Variants in ZBTB21 observed in about 807,000 individuals in gnomAD.
The protein encoded by ZBTB21 is zinc finger and BTB domain-containing protein 21.
In ZBTB21, 10 loss-of-function variants were observed where a neutral mutation model predicts 39.8. The ratio of observed to expected loss-of-function variants is 0.25; its 90% CI spans 0.16 to 0.43. The LOEUF is 0.43. Among genes scored for constraint, ZBTB21 ranks in the 20% least tolerant of loss-of-function variants. The pLI, the probability that ZBTB21 is intolerant of heterozygous loss-of-function variation, is 1.00. For missense variants in ZBTB21, 1,221 were observed against 1,296.3 expected, an observed-to-expected ratio of 0.94 and a Z score of 0.89; for synonymous variants, 551 against 498.8, an observed-to-expected ratio of 1.10 and a Z score of -1.40.
chr21:41,995,953 G>A (rs1275496826), intron 2 of ZBTB21, among the ~76,000 whole-genome samples: 1 of 152,236 alleles, frequency 6.6e-6, no homozygotes, highest in Non-Finnish European at 1.5e-5. Flanking sequence ...GTGTGCAGAA[G>A]TAAAGAACTG....
At chr21:41,998,481 A>G (rs2065778778) in intron 2 of ZBTB21, among the ~76,000 whole-genome samples, 1 of 152,182 alleles carries the variant, frequency 6.6e-6, no homozygotes. Context: ...GTGAGCCACC[A>G]CAGCTGGCTC....
chr21:42,009,956 G>A (rs575789496), intron 1 of ZBTB21, among the ~76,000 whole-genome samples: 1 of 152,340 alleles, frequency 6.6e-6, no homozygotes, highest in South Asian at 2.1e-4. Flanking sequence ...GGTGAAGAGT[G>A]AAGCCCGTGA....
chr21:41,994,136 A>C (rs1449859819), intron 2 of ZBTB21, 28 bp from the exon 3 acceptor site: 1 of 1,525,930 alleles, frequency 6.6e-7, no homozygotes, highest in African/African-American at 1.4e-5. Context: ...AAATTACTAC[A>C]GATATTGCAG....
Position 41,992,907 on chromosome 21 carries a change from C to T in ZBTB21, c.1189G>A (p.Asp397Asn), listed in dbSNP as rs774537436. Residue 397 changes from aspartate (D) to asparagine (N), a missense_variant, in exon 3 of 3, where the codon GAC becomes AAC. Coordinates refer to ENST00000310826, the MANE Select transcript of ZBTB21 (RefSeq NM_001098402.2). The surrounding 1 kb of genome is among the most constrained non-coding windows in gnomAD (Gnocchi z 4.1). Reference protein sequence around the residue: ...KDCSEKTALDDRPQVLQPHRL... With the variant: ...KDCSEKTALDNRPQVLQPHRL... ...TGCGGTTGTAGCACTTGAGGCCTGT[C>T]ATCTAGGGCTGTTTTTTCACTACAA... 6.2e-7 allele frequency: 1 copy of T among 1,614,226 alleles called. No individual in the cohort carries two copies. The highest frequency in any genetic ancestry group is 8.5e-7 in the Non-Finnish European group (1 of 1,180,048).
Position 41,993,125 on chromosome 21 carries a change from G to C in ZBTB21, c.971C>G (p.Ser324Cys). The C allele has an allele frequency of 6.2e-7, 1 of 1,614,202 alleles. No homozygotes were observed. The highest frequency in any genetic ancestry group is 1.1e-5 in the South Asian group (1 of 91,078). Residue 324 changes from serine to cysteine, a missense_variant, in exon 3 of 3, where the codon TCT becomes TGT. This residue lies in a region of ZBTB21 where 500 missense variants were observed against 465.6 expected (regional missense o/e 1.07). Coordinates refer to ENST00000310826, the MANE Select transcript of ZBTB21 (RefSeq NM_001098402.2). ...ACTCCTGTCAATGCTTTGGTTTCCA[G>C]AACCAGATCCACTGGATGGGATCAC... is the stretch of plus-strand genomic sequence containing the variant. The part of the protein sequence containing the change: ...GLVIPSSGSG[S>C]GNQSIDRSGP...
chr21:41,990,665 C>T lies in ZBTB21; in HGVS notation c.*230G>A. 2.9e-6 allele frequency: 1 copy of T among 350,266 alleles called. No homozygotes were observed. Among genetic ancestry groups the T allele is most frequent in the Non-Finnish European group, 5.0e-6 (1 of 198,498 alleles). 21.7% of individuals were successfully genotyped at this position (350,266 alleles called of 1,614,324 possible). On this transcript the variant is annotated 3_prime_UTR_variant, in exon 3 of 3. Coordinates refer to ENST00000310826, the MANE Select transcript of ZBTB21 (RefSeq NM_001098402.2). ...AATCCAATTTCAACATTAATGAAAT[C>T]AAACCATCTTGTTCTTGTAAGGTCC...
chr21:42,004,342 T>C (rs2065853162), intron 1 of ZBTB21, among the ~76,000 whole-genome samples: 1 of 152,172 alleles, frequency 6.6e-6, no homozygotes, highest in Non-Finnish European at 1.5e-5. Context: ...ATTAATTCAA[T>C]GCAAATACTT....
Position 41,991,006 on chromosome 21 carries a change from A to G in ZBTB21, c.3090T>C (p.His1030=), listed in dbSNP as rs772188253. Residue 1030 remains histidine, a synonymous_variant, in exon 3 of 3, where the codon CAT becomes CAC. Transcript: ENST00000310826. This position sits in a 1 kb window ranked among gnomAD's most constrained non-coding sequence, Gnocchi z 4.9. ...VPQESDTLFY[H]APPLSAITFK... Reference sequence around the variant, plus strand: ...ATGTGATTGCTGAAAGGGGTGGGGCATGGTAAAAAAGGGTGTCTGATTCTT... The same window carrying G: ...ATGTGATTGCTGAAAGGGGTGGGGCGTGGTAAAAAAGGGTGTCTGATTCTT... The G allele has an allele frequency of 6.4e-7, 1 of 1,563,942 alleles. No individual in the cohort carries two copies. Among genetic ancestry groups the G allele is most frequent in the African/African-American group, 1.4e-5 (1 of 73,156 alleles).
Position 41,992,160 on chromosome 21 carries a change from A to C in ZBTB21, c.1936T>G (p.Phe646Val). The change falls in exon 3 of 3, where the codon TTT becomes GTT. Residue 646 changes from phenylalanine (F) to valine (V), a missense_variant. Phe to Val is a conservative substitution (Grantham distance 50, BLOSUM62 -1). Around this residue, in one of 4 missense-constraint regions of ZBTB21, gnomAD observed 523 missense variants for 542.5 expected, o/e 0.96. Transcript: ENST00000310826. The surrounding 1 kb of genome is among the most constrained non-coding windows in gnomAD (Gnocchi z 4.1). The stretch of plus-strand genomic sequence containing the variant: ...GCTTGGGAGCTACTCTGTCCCTGAA[A>C]ACCAGGCTTGCCGCGCCTTAACTTA... ...IIKLRRGKPGFQGQSSSQAQQ... is the reference protein window; with the variant it reads ...IIKLRRGKPGVQGQSSSQAQQ... 2.5e-6 allele frequency: 4 copies of C among 1,614,184 alleles called. No individual in the cohort carries two copies. The highest frequency in any genetic ancestry group is 3.4e-6 in the Non-Finnish European group (4 of 1,180,034).
intron 1 of ZBTB21, among the ~76,000 whole-genome samples, chr21:42,003,420 G>A (rs1040094049): frequency 1.3e-5 from 2 of 152,182 alleles, no homozygotes; most frequent in Non-Finnish European, 2.9e-5. Flanking sequence ...AGAATGCTAC[G>A]GGAATACTGA....
Position 41,991,392 on chromosome 21 carries a change from G to T in ZBTB21, c.2704C>A (p.Pro902Thr). 6.2e-7 allele frequency: 1 copy of T among 1,607,784 alleles called. No individual in the cohort carries two copies. The highest frequency in any genetic ancestry group is 8.5e-7 in the Non-Finnish European group (1 of 1,177,056). Residue 902 changes from proline (P) to threonine (T), a missense_variant, in exon 3 of 3, where the codon CCT becomes ACT. Coordinates refer to ENST00000310826, the MANE Select transcript of ZBTB21 (RefSeq NM_001098402.2). The surrounding 1 kb of genome is among the most constrained non-coding windows in gnomAD (Gnocchi z 4.9). ...GGCCACAGGCTGGCTTCTTTGCTAGGACCCGCTTCTTTGGGGGCTGTGCTG... is the reference window on the plus strand; with the variant it reads ...GGCCACAGGCTGGCTTCTTTGCTAGTACCCGCTTCTTTGGGGGCTGTGCTG... ...EASTAPKEAGPSKEASLWPCE... is the reference protein window; with the variant it reads ...EASTAPKEAGTSKEASLWPCE...
At chr21:42,008,540 C>CAAAAAAAAAAAAA (rs68176203) in intron 1 of ZBTB21, among the ~76,000 whole-genome samples, 76 of 60,170 alleles carry the variant, frequency 1.3e-3, no homozygotes, top group African/African-American at 1.5e-3. Context: ...GAAACTCTGT[C>CAAAAAAAAAAAAA]AAAAAAAAAA....
rs762202196 is a variant in ZBTB21, at chr21:41,991,199, T to G, written c.2897A>C (p.Glu966Ala). The G allele has an allele frequency of 8.1e-6, 13 of 1,614,180 alleles. No individual in the cohort carries two copies. The East Asian group carries it at 2.7e-4, about 33-fold the overall frequency. ...FQSHMSQASE[E>A]SAHKESEVCP... Reference sequence around the variant, plus strand: ...CACCTCAGATTCCTTATGTGCCGATTCCTCTGAAGCCTGAGACATGTGCGA... The same window carrying G: ...CACCTCAGATTCCTTATGTGCCGATGCCTCTGAAGCCTGAGACATGTGCGA... The change falls in exon 3 of 3, where the codon GAA (glutamate) becomes GCA (alanine). Residue 966 changes from glutamate to alanine, a missense_variant. Around this residue, in one of 4 missense-constraint regions of ZBTB21, gnomAD observed 523 missense variants for 542.5 expected, o/e 0.96. Coordinates refer to ENST00000310826, the MANE Select transcript of ZBTB21 (RefSeq NM_001098402.2). This position sits in a 1 kb window ranked among gnomAD's most constrained non-coding sequence, Gnocchi z 4.9.
chr21:42,000,701 C>A (rs1025064774), intron 2 of ZBTB21, among the ~76,000 whole-genome samples: 1 of 152,196 alleles, frequency 6.6e-6, no homozygotes, highest in African/African-American at 2.4e-5. Context: ...TCTTGGATCA[C>A]AGACCTCTAT....
At position 41,993,916 on chromosome 21, in the gene ZBTB21, T is replaced by G; in HGVS notation, c.180A>C (p.Thr60=). 1.2e-6 allele frequency: 2 copies of G among 1,614,166 alleles called. No individual in the cohort carries two copies. The highest frequency in any genetic ancestry group is 1.7e-6 in the Non-Finnish European group (2 of 1,180,010). ...ASSEYFQSLF[T]NKENESQTVF... The stretch of plus-strand genomic sequence containing the variant: ...CAGTTTGTGACTCATTTTCCTTATT[T>G]GTGAATAAACTCTGAAAGTATTCGC... Residue 60 remains threonine (T), a synonymous_variant, in exon 3 of 3, where the codon ACA becomes ACC. Transcript: ENST00000310826.
rs1324251521 is a variant in ZBTB21 at position 41,991,773 on chromosome 21, G to C, written c.2323C>G (p.Leu775Val). 1.2e-6 allele frequency: 2 copies of C among 1,614,256 alleles called. No individual in the cohort carries two copies. The highest frequency in any genetic ancestry group is 2.2e-5 in the South Asian group (2 of 91,082). Residue 775 changes from leucine to valine, a missense_variant, in exon 3 of 3, where the codon CTG becomes GTG. Physicochemically the swap from Leu to Val is conservative, Grantham distance 32. This residue lies in a region of ZBTB21 where 523 missense variants were observed against 542.5 expected (regional missense o/e 0.96). Coordinates refer to ENST00000310826, the MANE Select transcript of ZBTB21 (RefSeq NM_001098402.2). The surrounding 1 kb of genome is among the most constrained non-coding windows in gnomAD (Gnocchi z 4.9). ...EHESKCEYKK[L>V]TCLECMRTFK... ...GTGCGCATGCACTCGAGGCAGGTCA[G>C]CTTCTTATACTCACACTTGCTCTCG...
Position 41,991,164 on chromosome 21 carries a change from G to T in ZBTB21, c.2932C>A (p.Pro978Thr). ...GGTGGTGGAGAGGGAGAGTTTGTGG[G>T]AACAGGGCACACCTCAGATTCCTTA... The part of the protein sequence containing the change: ...AHKESEVCPV[P>T]TNSPSPPPLP... The change falls in exon 3 of 3, where the codon CCC (proline) becomes ACC (threonine). Residue 978 changes from proline to threonine, a missense_variant. This residue lies in a region of ZBTB21 where 523 missense variants were observed against 542.5 expected (regional missense o/e 0.96). Transcript: ENST00000310826. The surrounding 1 kb of genome is among the most constrained non-coding windows in gnomAD (Gnocchi z 4.9). The T allele has an allele frequency of 6.2e-7, 1 of 1,614,140 alleles. No homozygotes were observed. Among genetic ancestry groups the T allele is most frequent in the Non-Finnish European group, 8.5e-7 (1 of 1,180,032 alleles).
At chr21:41,996,563 G>A (rs1192746128) in intron 2 of ZBTB21, among the ~76,000 whole-genome samples, 2 of 152,242 alleles carry the variant, frequency 1.3e-5, no homozygotes, top group African/African-American at 2.4e-5. Context: ...CTCATAGGCG[G>A]AAGGGATTTG....
At position 41,992,273 on chromosome 21, in the gene ZBTB21, G is replaced by A. The variant is rs1313798631; in HGVS notation, c.1823C>T (p.Ser608Phe). The A allele has an allele frequency of 8.7e-6, 14 of 1,614,058 alleles. No homozygotes were observed. The Middle Eastern group carries it at 8.2e-4, about 95-fold the overall frequency. ...HGIVKNPSPASSSHAVLDEKF... is the reference protein window; with the variant it reads ...HGIVKNPSPAFSSHAVLDEKF... ...TTCATCCAAAACAGCATGTGAACTAGAGGCTGGTGATGGGTTCTTCACTAT... is the reference window on the plus strand; with the variant it reads ...TTCATCCAAAACAGCATGTGAACTAAAGGCTGGTGATGGGTTCTTCACTAT... The change falls in exon 3 of 3, where the codon TCT becomes TTT. Residue 608 changes from serine (S) to phenylalanine (F), a missense_variant. Physicochemically the swap from Ser to Phe is radical, Grantham distance 155. Transcript: ENST00000310826. This position sits in a 1 kb window ranked among gnomAD's most constrained non-coding sequence, Gnocchi z 4.1.
Sources: gnomAD v4.1 joint callset for allele counts (sites outside exome capture counted in the v4.1 genomes callset) on GRCh38, gnomAD v4.1.1 for gene constraint, gnomAD v4.1.1 regional missense constraint, Gnocchi (gnomAD v3.1) non-coding constraint, MANE v1.5 for transcripts, NCBI Gene and HGNC (gene_info 2026-07-23, HGNC 2026-07-21) for gene names.